The following TMEM52B variants were observed in gnomAD, a reference collection of about 807,000 sequenced individuals.
TMEM52B encodes chromosome 12 open reading frame 59.
Under a neutral mutation model 16.1 loss-of-function variants are expected in TMEM52B, and 11 were observed. The observed-to-expected ratio is 0.68, with a 90% CI of 0.43 to 1.13. The LOEUF (loss-of-function observed/expected upper bound fraction) is 1.13. Among genes scored for constraint, TMEM52B ranks in the 50% most tolerant of loss-of-function variants. The pLI is 0.00. For synonymous variants in TMEM52B, 101 were observed against 93.8 expected, an observed-to-expected ratio of 1.08 and a Z score of -0.45; for missense variants, 243 against 230.4, an observed-to-expected ratio of 1.05 and a Z score of -0.35.
At chr12:10,177,803 T>C (rs1565425251), upstream of TMEM52B, among the ~76,000 whole-genome samples, 1 of 87,432 alleles carries the variant, frequency 1.1e-5, no homozygotes, top group African/African-American at 4.0e-5. Flanking sequence ...ATAATAATAA[T>C]AATAATAATA....
chr12:10,184,069 C>T (rs1433657543), intron 2 of TMEM52B, among the ~76,000 whole-genome samples: 1 of 152,142 alleles, frequency 6.6e-6, no homozygotes, highest in African/African-American at 2.4e-5. Context: ...TTAAGTTGAT[C>T]ATCAATGGCC....
intron 1 of TMEM52B, among the ~76,000 whole-genome samples, chr12:10,172,884 T>C (rs941049538): frequency 1.3e-5 from 2 of 152,182 alleles, no homozygotes; most frequent in African/African-American, 4.8e-5. Flanking sequence ...CTGATAACAT[T>C]GTTATAGGAA....
chr12:10,188,393 A>G (rs980081905), intron 4 of TMEM52B, among the ~76,000 whole-genome samples: 1 of 151,528 alleles, frequency 6.6e-6, no homozygotes, highest in Non-Finnish European at 1.5e-5. Context: ...CAGGAGGCGG[A>G]GGTTTCAGTG....
At position 10,190,442 on chromosome 12, in the gene TMEM52B, A is replaced by G. The variant is rs1468705093; in HGVS notation, c.*302A>G. On this transcript the variant is annotated 3_prime_UTR_variant, in exon 5 of 5. Coordinates refer to ENST00000543484, the MANE Select transcript of TMEM52B (RefSeq NM_001384896.1). ...GAATTCCTTTAACTATTGAGTGCAT[A>G]TAGAATTCCTGTACCCACATGATAC... 2 of 331,224 alleles carry G rather than the reference A, an allele frequency of 6.0e-6. No individual in the cohort carries two copies. The highest frequency in any genetic ancestry group is 8.3e-5 in the Admixed American group (2 of 24,092). 20.5% of individuals were successfully genotyped at this position (331,224 alleles called of 1,614,324 possible).
At chr12:10,183,658 C>T (rs554564809) in intron 2 of TMEM52B, among the ~76,000 whole-genome samples, 40 of 148,470 alleles carry the variant, frequency 2.7e-4, no homozygotes, top group African/African-American at 9.4e-4. Context: ...CATACAATCC[C>T]TATTTTTTTT....
intron 1 of TMEM52B, among the ~76,000 whole-genome samples, chr12:10,181,417 C>T (rs1948821072): frequency 6.6e-6 from 1 of 151,910 alleles, no homozygotes; most frequent in African/African-American, 2.4e-5. Flanking sequence ...GCAACCTCCA[C>T]TGCCCGGGTT....
chr12:10,186,294 A>T, intron 3 of TMEM52B, 126 bp from the exon 4 acceptor site: 1 of 609,266 alleles, frequency 1.6e-6, no homozygotes. Flanking sequence ...ATAAATTAAA[A>T]TATTTATAAT....
At chr12:10,185,138 T>C (rs1256478944) in intron 2 of TMEM52B, among the ~76,000 whole-genome samples, 192 bp from the exon 3 acceptor site, 1 of 152,242 alleles carries the variant, frequency 6.6e-6, no homozygotes, top group African/African-American at 2.4e-5. Flanking sequence ...CCATCTATAG[T>C]ATAAAGTACT....
In TMEM52B at chr12:10,189,201, TAAA is replaced by T. The variant is rs34922857; in HGVS notation, c.308-680_308-678del. On this transcript the variant is annotated intron_variant, in intron 4 of 4. Transcript: ENST00000543484. ...CTGGGTGACAGAGTGAGACACTGTCTAAAAAAAAAAAAAAAAAGAAAAGAGATG... is the reference window on the plus strand; with the variant it reads ...CTGGGTGACAGAGTGAGACACTGTCTAAAAAAAAAAAAAAGAAAAGAGATG... Among the ~76,000 whole-genome samples the T allele has an allele frequency of 3.3e-3, 323 of 97,218 alleles. 3 individuals carry two copies. The highest frequency in any genetic ancestry group is 0.012 in the African/African-American group (307 of 24,656). 63.8% of individuals were successfully genotyped at this position (97,218 alleles called of 152,430 possible).
upstream of TMEM52B, among the ~76,000 whole-genome samples, chr12:10,176,624 A>T (rs1948767571): frequency 6.6e-6 from 1 of 152,246 alleles, no homozygotes; most frequent in Non-Finnish European, 1.5e-5. Context: ...CATAAAGGAC[A>T]GTAATTATCC....
chr12:10,171,683 T>C lies in TMEM52B; in HGVS notation c.-95+832T>C, dbSNP rs527489161. The stretch of plus-strand genomic sequence containing the variant: ...TGGATGATGTTGTTAGTCCTCCTGA[T>C]GCCCAGTTAGCTCTCTGTAAAAGGG... On this transcript the variant is annotated intron_variant, in intron 1 of 5. Coordinates refer to the TMEM52B transcript ENST00000381923. 7.9e-5 allele frequency among the ~76,000 whole-genome samples: 12 copies of C among 152,322 alleles called. No homozygotes were observed. In the South Asian group the frequency reaches 2.5e-3, roughly 32 times the overall value.
chr12:10,184,189 G>A (rs1488419812), intron 2 of TMEM52B, among the ~76,000 whole-genome samples: 1 of 152,192 alleles, frequency 6.6e-6, no homozygotes, highest in African/African-American at 2.4e-5. Flanking sequence ...GAAGGGTGGT[G>A]CACTCGGAAG....
rs1051007438 is a variant in TMEM52B at position 10,186,418 on chromosome 12, A to C, written c.138-2A>C. 1.3e-6 allele frequency: 2 copies of C among 1,598,418 alleles called. No individual in the cohort carries two copies. Among genetic ancestry groups the C allele is most frequent in the Admixed American group, 1.7e-5 (1 of 59,366 alleles). On this transcript the variant is annotated splice_acceptor_variant, in intron 3 of 4. Coordinates refer to ENST00000543484, the MANE Select transcript of TMEM52B (RefSeq NM_001384896.1). LOFTEE classifies it high-confidence loss of function. ...TCCCACTCGCCCCGTGGGCTTTTGC[A>C]GGTTGCTAGTGGTAATTGGCGCGCT...
intron 3 of TMEM52B, among the ~76,000 whole-genome samples, chr12:10,185,771 G>A (rs1004986118): frequency 6.6e-6 from 1 of 152,206 alleles, no homozygotes; most frequent in Middle Eastern, 3.4e-3. Flanking sequence ...AGTTGGGCGC[G>A]GTGGCTCACA....
At chr12:10,183,271 G>C (rs1366292779) in intron 2 of TMEM52B, among the ~76,000 whole-genome samples, 1 of 152,162 alleles carries the variant, frequency 6.6e-6, no homozygotes, top group Admixed American at 6.5e-5. Flanking sequence ...TAAACCCAGG[G>C]AAAGGGTGAT....
At chr12:10,187,149 C>A (rs112443653) in intron 4 of TMEM52B, among the ~76,000 whole-genome samples, 1 of 129,028 alleles carries the variant, frequency 7.8e-6, no homozygotes, top group African/African-American at 2.9e-5. Context: ...GTCGCCCAGA[C>A]TGGAGTGCAG....
At chr12:10,174,221 C>T (rs937898551), upstream of TMEM52B, among the ~76,000 whole-genome samples, 4 of 152,016 alleles carry the variant, frequency 2.6e-5, no homozygotes, top group Non-Finnish European at 4.4e-5. Context: ...CCACCCCTCC[C>T]GGCTAATTGT....
chr12:10,182,810 C>T (rs948922809), intron 2 of TMEM52B, among the ~76,000 whole-genome samples: 1 of 152,118 alleles, frequency 6.6e-6, no homozygotes, highest in African/African-American at 2.4e-5. Flanking sequence ...TACCCAAAGC[C>T]AATCTTCCCA....
At chr12:10,186,657 G>A (rs2137556843) in intron 4 of TMEM52B, 68 bp downstream of exon 4, 2 of 1,404,654 alleles carry the variant, frequency 1.4e-6, no homozygotes, top group Non-Finnish European at 1.9e-6. Context: ...AGGGTGCAAA[G>A]GTGTAGAACC....
Sources: gnomAD v4.1 joint callset for allele counts (sites outside exome capture counted in the v4.1 genomes callset) on GRCh38, gnomAD v4.1.1 for gene constraint, MANE v1.5 for transcripts, NCBI Gene and HGNC (gene_info 2026-07-23, HGNC 2026-07-21) for gene names.